STK32A: variants seen among roughly 807,000 people sequenced by gnomAD.
STK32A encodes serine/threonine-protein kinase 32A.
A neutral mutation model predicts 53.2 loss-of-function variants in STK32A; 41 were observed. The ratio of observed to expected loss-of-function variants is 0.77; its 90% CI spans 0.60 to 1.00. The LOEUF (loss-of-function observed/expected upper bound fraction) is 1.00, where lower values mean the gene tolerates loss of function less well. STK32A is among the 50% of genes least tolerant of loss of function. The probability of loss-of-function intolerance (pLI) is 0.00; values close to 1 mark genes in which losing one functional copy is unlikely to be tolerated. For synonymous variants in STK32A, 166 were observed against 162.8 expected, an observed-to-expected ratio of 1.02 and a Z score of -0.15; for missense variants, 458 against 485.8, an observed-to-expected ratio of 0.94 and a Z score of 0.54.
At position 147,278,289 on chromosome 5, in the gene STK32A, T is replaced by C. The variant is rs1751867163; in HGVS notation, c.108+110T>C. The C allele has an allele frequency of 7.8e-6, 7 of 892,252 alleles. No individual in the cohort carries two copies. The East Asian group carries it at 1.6e-4, about 20-fold the overall frequency. 55.3% of individuals were successfully genotyped at this position (892,252 alleles called of 1,614,324 possible). ...TTGCTGGGACCGCAAGGAAAGATAATTAAGTGAAAATGTTTTTGTAATGGA... is the reference window on the plus strand; with the variant it reads ...TTGCTGGGACCGCAAGGAAAGATAACTAAGTGAAAATGTTTTTGTAATGGA... On this transcript the variant is annotated intron_variant, in intron 3 of 12. Transcript: ENST00000397936.
intron 4 of STK32A, among the ~76,000 whole-genome samples, chr5:147,306,289 A>G (rs1753404491): frequency 6.6e-6 from 1 of 151,940 alleles, no homozygotes; most frequent in African/African-American, 2.4e-5. Flanking sequence ...CCATCTTTCT[A>G]TCGGTTGCCT....
In STK32A at chr5:147,307,891, A is replaced by G. The variant is rs1421001946; in HGVS notation, c.261-16007A>G. Among the ~76,000 whole-genome samples, 2 of 152,068 alleles carry G rather than the reference A, an allele frequency of 1.3e-5. 1 individual carries two copies. Among genetic ancestry groups the G allele is most frequent in the Non-Finnish European group, 2.9e-5 (2 of 68,006 alleles). ...TTTCCTGACTCTGTTCCATTGATTCATTTGTATACTCTTGCATATTTATCA... is the reference window on the plus strand; with the variant it reads ...TTTCCTGACTCTGTTCCATTGATTCGTTTGTATACTCTTGCATATTTATCA... On this transcript the variant is annotated intron_variant, in intron 4 of 12. Coordinates refer to ENST00000397936, the MANE Select transcript of STK32A (RefSeq NM_001112724.2).
At chr5:147,249,170 G>C (rs1753874680) in intron 2 of STK32A, among the ~76,000 whole-genome samples, 1 of 150,084 alleles carries the variant, frequency 6.7e-6, no homozygotes, top group African/African-American at 2.4e-5. Flanking sequence ...GTCATTTTTT[G>C]TATGTGTGTA....
intron 9 of STK32A, among the ~76,000 whole-genome samples, chr5:147,371,858 A>G (rs1043259769): frequency 2.0e-5 from 3 of 152,164 alleles, no homozygotes; most frequent in African/African-American, 7.2e-5. Context: ...AACAAACAAA[A>G]ATAACTGACC....
chr5:147,374,408 C>G (rs1416406207), intron 10 of STK32A, among the ~76,000 whole-genome samples: 8 of 151,884 alleles, frequency 5.3e-5, no homozygotes, highest in African/African-American at 4.8e-5. Context: ...GGAGAAAGTA[C>G]AAAGTGAGAG....
chr5:147,261,133 C>T lies in STK32A; in HGVS notation c.53-16991C>T, dbSNP rs537063383. ...TGCCACAAGGGGACGGGGTGCACCTCCTCAGGAGAGACAACCAGAGACCAC... is the reference window on the plus strand; with the variant it reads ...TGCCACAAGGGGACGGGGTGCACCTTCTCAGGAGAGACAACCAGAGACCAC... On this transcript the variant is annotated intron_variant, in intron 2 of 12. Transcript: ENST00000397936. Among the ~76,000 whole-genome samples the T allele has an allele frequency of 1.2e-3, 185 of 152,242 alleles. 1 individual carries two copies. Among genetic ancestry groups the T allele is most frequent in the African/African-American group, 2.4e-3 (98 of 41,524 alleles).
chr5:147,314,984 A>G (rs1753920483), intron 4 of STK32A, among the ~76,000 whole-genome samples: 1 of 152,028 alleles, frequency 6.6e-6, no homozygotes, highest in Admixed American at 6.6e-5. Context: ...GGTTGAAGCA[A>G]TCTTTCTGCC....
chr5:147,295,627 A>T (rs1392996688), intron 4 of STK32A, among the ~76,000 whole-genome samples: 2 of 152,168 alleles, frequency 1.3e-5, no homozygotes, highest in African/African-American at 4.8e-5. Context: ...GCCAATTAGA[A>T]CTCATTCATA....
intron 4 of STK32A, among the ~76,000 whole-genome samples, chr5:147,295,967 A>G (rs1752847544): frequency 6.6e-6 from 1 of 152,222 alleles, no homozygotes; most frequent in African/African-American, 2.4e-5. Context: ...TAAAGGTAGG[A>G]CTTGTATAGA....
chr5:147,395,701 G>A, the STK32A span: 2 of 1,613,982 alleles, frequency 1.2e-6, no homozygotes. Flanking sequence ...TGCCCCTTGG[G>A]ACGGCATGCA....
At chr5:147,282,176 C>T (rs578128774) in intron 4 of STK32A, among the ~76,000 whole-genome samples, 1 of 151,972 alleles carries the variant, frequency 6.6e-6, no homozygotes. Context: ...CACAGAGGAT[C>T]TACAAAATAA....
At chr5:147,263,628 T>G (rs1365845458) in intron 2 of STK32A, among the ~76,000 whole-genome samples, 1 of 151,406 alleles carries the variant, frequency 6.6e-6, no homozygotes, top group Non-Finnish European at 1.5e-5. Context: ...AATGGAAAAA[T>G]CCAAAGAAGA....
At chr5:147,330,535 A>C (rs1468440063) in intron 5 of STK32A, among the ~76,000 whole-genome samples, 2 of 152,200 alleles carry the variant, frequency 1.3e-5, no homozygotes, top group Non-Finnish European at 2.9e-5. Context: ...CAGTCTGTTC[A>C]CATTTCCTCT....
intron 2 of STK32A, among the ~76,000 whole-genome samples, chr5:147,262,182 A>G (rs1754602145): frequency 6.6e-6 from 1 of 152,170 alleles, no homozygotes; most frequent in Non-Finnish European, 1.5e-5. Flanking sequence ...TCACACAGCC[A>G]GGAAGAGGCA....
Position 147,333,293 on chromosome 5 carries a change from C to T in STK32A, c.434+9222C>T, listed in dbSNP as rs568989640. Among the ~76,000 whole-genome samples, 4 of 152,262 alleles carry T rather than the reference C, an allele frequency of 2.6e-5. No homozygotes were observed. The East Asian group carries it at 7.7e-4, about 29-fold the overall frequency. The stretch of plus-strand genomic sequence containing the variant: ...TTACAATGGGTTTATCAGGGCGTAA[C>T]CCATTGCAAGTTGGGAGCATCTGTA... On this transcript the variant is annotated intron_variant, in intron 5 of 12. Transcript: ENST00000397936.
intron 4 of STK32A, among the ~76,000 whole-genome samples, chr5:147,304,896 G>A (rs1270119598): frequency 6.6e-6 from 1 of 152,020 alleles, no homozygotes; most frequent in African/African-American, 2.4e-5. Flanking sequence ...GATCACTTGA[G>A]GTCAGGAGTT....
the STK32A span, among the ~76,000 whole-genome samples, chr5:147,399,987 A>G: frequency 1.3e-5 from 2 of 152,220 alleles, no homozygotes; most frequent in African/African-American, 4.8e-5. Flanking sequence ...AAAGAAGAAA[A>G]AGAAAACTCA....
intron 2 of STK32A, among the ~76,000 whole-genome samples, chr5:147,245,379 G>T (rs1187014095): frequency 6.6e-6 from 1 of 152,158 alleles, no homozygotes; most frequent in African/African-American, 2.4e-5. Context: ...GAATAGACGT[G>T]CAAGTAACAC....
chr5:147,292,648 C>A (rs1344603459), intron 4 of STK32A, among the ~76,000 whole-genome samples: 1 of 152,136 alleles, frequency 6.6e-6, no homozygotes, highest in Non-Finnish European at 1.5e-5. Flanking sequence ...GCAGGTGGAT[C>A]ACCTGAGGTC....
Sources: gnomAD v4.1 joint callset for allele counts (sites outside exome capture counted in the v4.1 genomes callset) on GRCh38, gnomAD v4.1.1 for gene constraint, MANE v1.5 for transcripts, NCBI Gene and HGNC (gene_info 2026-07-23, HGNC 2026-07-21) for gene names.